The following KCTD16 variants were observed in gnomAD, a reference collection of about 807,000 sequenced individuals.
KCTD16 encodes the protein potassium channel tetramerization domain containing 16.
Under a neutral mutation model 33.2 loss-of-function variants are expected in KCTD16, and 13 were observed. The ratio of observed to expected loss-of-function variants is 0.39; its 90% CI spans 0.25 to 0.62. The LOEUF is 0.62. KCTD16 is among the 20% of genes least tolerant of loss of function. The pLI is 0.50. For missense variants in KCTD16, 441 were observed against 525.1 expected (o/e 0.84, Z 1.57); for synonymous variants, 197 against 195.3 (o/e 1.01, Z -0.07).
intron 3 of KCTD16, among the ~76,000 whole-genome samples, chr5:144,468,997 A>T (rs1339466483): frequency 1.3e-5 from 2 of 152,178 alleles, no homozygotes; most frequent in Admixed American, 1.3e-4. Flanking sequence ...CTATAGTGGA[A>T]GGGGGCCAAG....
chr5:144,396,009 A>G (rs984299419), intron 3 of KCTD16, among the ~76,000 whole-genome samples: 3 of 152,198 alleles, frequency 2.0e-5, no homozygotes, highest in Admixed American at 6.5e-5. Flanking sequence ...GACTATATGA[A>G]TTGCAAAACC....
At chr5:144,442,480 T>C (rs1753734882) in intron 3 of KCTD16, among the ~76,000 whole-genome samples, 2 of 151,072 alleles carry the variant, frequency 1.3e-5, no homozygotes, top group Middle Eastern at 3.2e-3. Context: ...TTTCTTTCTG[T>C]CGTTCTTTCT....
chr5:144,186,364 G>GA (rs200549095), intron 2 of KCTD16, among the ~76,000 whole-genome samples: 65,788 of 141,910 alleles, frequency 0.46, 15,293 homozygotes, highest in Non-Finnish European at 0.52. Context: ...AAAAAAAAAA[G>GA]AAAAAAAAAA....
Position 144,196,942 on chromosome 5 carries a change from G to A in KCTD16, c.-326-9447G>A, listed in dbSNP as rs59798628. Reference sequence around the variant, plus strand: ...CTTGGCAGCAGCTGTGCAAATCTGCGTTGTACAGCAAAAAAGGTGATGTTT... The same window carrying A: ...CTTGGCAGCAGCTGTGCAAATCTGCATTGTACAGCAAAAAAGGTGATGTTT... On this transcript the variant is annotated intron_variant, in intron 2 of 3. Transcript: ENST00000512467. 5.2e-3 allele frequency among the ~76,000 whole-genome samples: 798 copies of A among 152,228 alleles called. 6 individuals carry two copies. The highest frequency in any genetic ancestry group is 4.2e-3 in the Non-Finnish European group (289 of 68,024).
intron 3 of KCTD16, among the ~76,000 whole-genome samples, chr5:144,437,505 T>G (rs1753605381): frequency 6.6e-6 from 1 of 152,172 alleles, no homozygotes; most frequent in Admixed American, 6.6e-5. Flanking sequence ...AATGAGTCAA[T>G]ATTTGTCAAG....
At chr5:144,204,642 T>C (rs902655090) in intron 2 of KCTD16, among the ~76,000 whole-genome samples, 1 of 152,162 alleles carries the variant, frequency 6.6e-6, no homozygotes, top group Admixed American at 6.5e-5. Flanking sequence ...TATCAATTTC[T>C]TACAGGTGAG....
intron 3 of KCTD16, among the ~76,000 whole-genome samples, chr5:144,417,733 T>C (rs1019605529): frequency 1.3e-5 from 2 of 152,184 alleles, no homozygotes. Flanking sequence ...TGGTTTTAGG[T>C]CTCCTATGTT....
At chr5:144,231,553 G>A (rs771748917) in intron 3 of KCTD16, among the ~76,000 whole-genome samples, 2 of 152,152 alleles carry the variant, frequency 1.3e-5, no homozygotes, top group Non-Finnish European at 2.9e-5. Context: ...TATGTAGAAT[G>A]TATCTGATAT....
chr5:144,461,569 C>G (rs1020179098), intron 3 of KCTD16, among the ~76,000 whole-genome samples: 5 of 152,198 alleles, frequency 3.3e-5, no homozygotes, highest in Admixed American at 3.3e-4. Context: ...TTTTAGCAAT[C>G]TCCTAACTGG....
intron 3 of KCTD16, among the ~76,000 whole-genome samples, chr5:144,318,035 C>T (rs1488064117): frequency 6.6e-6 from 1 of 152,204 alleles, no homozygotes; most frequent in Non-Finnish European, 1.5e-5. Context: ...AGTCTCCCAC[C>T]ATACTAGCCT....
chr5:144,295,938 C>T (rs145864310), intron 3 of KCTD16, among the ~76,000 whole-genome samples: 3 of 152,310 alleles, frequency 2.0e-5, no homozygotes, highest in Admixed American at 2.0e-4. Context: ...GGAACATAAT[C>T]TGGCAATATC....
At chr5:144,454,555 A>G (rs1754018756) in intron 3 of KCTD16, among the ~76,000 whole-genome samples, 1 of 152,184 alleles carries the variant, frequency 6.6e-6, no homozygotes, top group Admixed American at 6.5e-5. Context: ...CATAGATATA[A>G]GGCTAAAGTT....
intron 3 of KCTD16, among the ~76,000 whole-genome samples, chr5:144,440,827 G>A (rs907240499): frequency 2.6e-5 from 4 of 151,804 alleles, no homozygotes; most frequent in Admixed American, 2.0e-4. Context: ...GTGCCATTTG[G>A]TGTGCTGCAC....
intron 3 of KCTD16, among the ~76,000 whole-genome samples, chr5:144,439,038 T>A (rs898253025): frequency 2.6e-5 from 4 of 152,218 alleles, no homozygotes; most frequent in Middle Eastern, 3.4e-3. Context: ...CATCTGTTTT[T>A]TTTTTCTTTT....
At chr5:144,294,667 G>C (rs1755988318) in intron 3 of KCTD16, among the ~76,000 whole-genome samples, 1 of 152,172 alleles carries the variant, frequency 6.6e-6, no homozygotes, top group African/African-American at 2.4e-5. Flanking sequence ...AAGTGAATTT[G>C]GGTGGCAAAA....
intron 3 of KCTD16, among the ~76,000 whole-genome samples, chr5:144,284,613 G>A (rs562540824): frequency 1.6e-4 from 24 of 152,092 alleles, no homozygotes; most frequent in African/African-American, 7.2e-5. Context: ...AAGACAGTCC[G>A]TGCCTCTTTT....
At chr5:144,459,506 C>T (rs1029736896) in intron 3 of KCTD16, among the ~76,000 whole-genome samples, 6 of 151,880 alleles carry the variant, frequency 4.0e-5, no homozygotes, top group African/African-American at 7.3e-5. Flanking sequence ...TGTACCAACA[C>T]GTCTCACTGA....
chr5:144,306,098 A>G (rs1751598152), intron 3 of KCTD16, among the ~76,000 whole-genome samples: 1 of 152,224 alleles, frequency 6.6e-6, no homozygotes, highest in African/African-American at 2.4e-5. Context: ...TATCATTATC[A>G]TGACCTACAT....
intron 3 of KCTD16, among the ~76,000 whole-genome samples, chr5:144,465,193 CTCT>C (rs1425825024): frequency 4.9e-4 from 24 of 48,914 alleles, no homozygotes; most frequent in South Asian, 6.8e-4. Context: ...CCCCCCCTCT[CTCT>C]CTCACTCTCT....
Sources: allele counts gnomAD v4.1 joint callset (sites outside exome capture counted in the v4.1 genomes callset), GRCh38; gene constraint gnomAD v4.1.1; transcripts MANE v1.5; gene names NCBI Gene and HGNC (gene_info 2026-07-23, HGNC 2026-07-21).